Variants in PURG observed in about 807,000 individuals in gnomAD.
PURG encodes purine-rich element-binding protein gamma.
Under a neutral mutation model 24.3 loss-of-function variants are expected in PURG, and 3 were observed. The observed-to-expected ratio is 0.12, with a 90% confidence interval of 0.06 to 0.32. PURG has a LOEUF of 0.32. Ranked by LOEUF, PURG falls within the 10% of genes least tolerant of loss-of-function variation. The pLI is 1.00. For missense variants in PURG, 371 were observed against 439.1 expected, an observed-to-expected ratio of 0.84 and a Z score of 1.39; for synonymous variants, 180 against 173.1, an observed-to-expected ratio of 1.04 and a Z score of -0.31.
downstream of PURG, among the ~76,000 whole-genome samples, chr8:31,029,069 G>T (rs1811141154): frequency 6.6e-6 from 1 of 151,770 alleles, no homozygotes; most frequent in Non-Finnish European, 1.5e-5. Flanking sequence ...GCACAGATAA[G>T]AATAGTAGCT....
intron 1 of PURG, among the ~76,000 whole-genome samples, chr8:31,022,914 T>C (rs1217346896): frequency 2.6e-5 from 4 of 152,254 alleles, no homozygotes; most frequent in Admixed American, 1.3e-4. Flanking sequence ...TCCTTACTCC[T>C]ACATCATTTT....
intron 1 of PURG, among the ~76,000 whole-genome samples, chr8:30,997,786 C>G (rs774952000): frequency 2.9e-4 from 44 of 151,570 alleles, no homozygotes; most frequent in South Asian, 8.3e-4. Context: ...AGGGTTGAAC[C>G]CTTTTGAAAA....
At chr8:31,019,129 A>G (rs1810931217) in intron 1 of PURG, among the ~76,000 whole-genome samples, 2 of 23,096 alleles carry the variant, frequency 8.7e-5, no homozygotes, top group Admixed American at 8.0e-4. Context: ...GTCTCAAAAA[A>G]AAAAAAAAAA....
chr8:31,024,102 A>G (rs7016143), intron 1 of PURG, among the ~76,000 whole-genome samples: 4,503 of 152,324 alleles, frequency 0.03, 224 homozygotes, highest in African/African-American at 0.1. Context: ...CGTAGTTAGT[A>G]TACAACAACT....
In PURG at chr8:31,032,032, G is replaced by C. The variant is rs1245631135; in HGVS notation, c.751C>G (p.Arg251Gly). 1 of 1,614,072 alleles carries C rather than the reference G, an allele frequency of 6.2e-7. No homozygotes were observed. Among genetic ancestry groups the C allele is most frequent in the Admixed American group, 1.7e-5 (1 of 60,018 alleles). Reference protein sequence around the residue: ...EDYGEGDIEERRGGDDDPLEL... With the variant: ...EDYGEGDIEEGRGGDDDPLEL... ...AGCGGGTCATCGTCTCCACCTCTTC[G>C]TTCTTCTATGTCTCCTTCGCCATAG... The change falls in exon 2 of 2, where the codon CGA (arginine) becomes GGA (glycine). Residue 251 changes from arginine to glycine, a missense_variant. By Grantham distance (125) the Arg-to-Gly change is moderately radical. Around this residue, in one of 5 missense-constraint regions of PURG, gnomAD observed 103 missense variants for 127.7 expected, o/e 0.81. Transcript: ENST00000523392. The surrounding 1 kb of genome is among the most constrained non-coding windows in gnomAD (Gnocchi z 5.9).
intron 1 of PURG, among the ~76,000 whole-genome samples, chr8:31,006,614 A>C (rs1246641129): frequency 6.6e-6 from 1 of 152,226 alleles, no homozygotes; most frequent in Admixed American, 6.5e-5. Flanking sequence ...CAAGTGAAAC[A>C]CACCAAAGGC....
intron 1 of PURG, among the ~76,000 whole-genome samples, chr8:31,015,983 G>C (rs932096193): frequency 6.6e-6 from 1 of 152,170 alleles, no homozygotes; most frequent in Non-Finnish European, 1.5e-5. Context: ...TGCCTGCCAA[G>C]TCGAGGCTGC....
downstream of PURG, among the ~76,000 whole-genome samples, chr8:31,028,706 G>C (rs1460395366): frequency 6.6e-6 from 1 of 151,712 alleles, no homozygotes; most frequent in Non-Finnish European, 1.5e-5. Flanking sequence ...ATAATACATT[G>C]CATCTTTTGC....
chr8:31,006,732 G>A (rs1261224447), intron 1 of PURG, among the ~76,000 whole-genome samples: 1 of 152,148 alleles, frequency 6.6e-6, no homozygotes, highest in East Asian at 1.9e-4. Flanking sequence ...TAAAAATAGT[G>A]AGCAATTTCC....
intron 1 of PURG, among the ~76,000 whole-genome samples, chr8:31,004,894 T>C (rs1025206640): frequency 6.6e-6 from 1 of 152,150 alleles, no homozygotes; most frequent in Admixed American, 6.5e-5. Flanking sequence ...GTTTGGATGT[T>C]AGAAGTACTG....
intron 1 of PURG, among the ~76,000 whole-genome samples, chr8:31,009,749 T>A (rs1810729716): frequency 6.6e-6 from 1 of 152,212 alleles, no homozygotes; most frequent in Non-Finnish European, 1.5e-5. Context: ...ACAACTGTAA[T>A]GATGGTACTG....
At chr8:31,030,341 G>T (rs1483377821), downstream of PURG, among the ~76,000 whole-genome samples, 2 of 151,918 alleles carry the variant, frequency 1.3e-5, no homozygotes, top group African/African-American at 4.8e-5. Context: ...ATAAAGCCAA[G>T]ATAAAAGACA....
At chr8:31,009,177 C>G (rs1035234700) in intron 1 of PURG, among the ~76,000 whole-genome samples, 2 of 152,192 alleles carry the variant, frequency 1.3e-5, no homozygotes, top group African/African-American at 4.8e-5. Context: ...GTAATCCCAG[C>G]ACTTTGGGAG....
At chr8:31,029,995 G>C (rs180870578), downstream of PURG, among the ~76,000 whole-genome samples, 2 of 152,000 alleles carry the variant, frequency 1.3e-5, no homozygotes, top group East Asian at 3.9e-4. Flanking sequence ...CACGCTACTA[G>C]AGGAAATGTG....
chr8:31,031,765 C>T lies in PURG; in HGVS notation c.1018G>A (p.Gly340Ser). Residue 340 changes from glycine (G) to serine (S), a missense_variant, in exon 2 of 2, where the codon GGT (glycine) becomes AGT (serine). Physicochemically the swap from Gly to Ser is moderately conservative, Grantham distance 56 (BLOSUM62 0). Around this residue, in one of 5 missense-constraint regions of PURG, gnomAD observed 103 missense variants for 127.7 expected, o/e 0.81. Transcript: ENST00000523392. ...EKRMDGRKAS[G>S]EEQECLD is the part of the protein sequence containing the mutation. ...TAGTCGAGGCATTCTTGTTCTTCACCACTGGCCTTTCTGCCATCCATTCTC... is the reference window on the plus strand; with the variant it reads ...TAGTCGAGGCATTCTTGTTCTTCACTACTGGCCTTTCTGCCATCCATTCTC... 15 of 1,551,172 alleles carry T rather than the reference C, an allele frequency of 9.7e-6. No individual in the cohort carries two copies. Among genetic ancestry groups the T allele is most frequent in the Non-Finnish European group, 1.3e-5 (15 of 1,146,770 alleles).
chr8:31,029,794 C>A (rs1406572853), downstream of PURG, among the ~76,000 whole-genome samples: 1 of 151,842 alleles, frequency 6.6e-6, no homozygotes, highest in Non-Finnish European at 1.5e-5. Context: ...CCTTCATAGA[C>A]CAAAAACTAC....
chr8:30,996,308 A>G (rs1178941594), exon 2 of PURG: 1 of 223,366 alleles, frequency 4.5e-6, no homozygotes, highest in Non-Finnish European at 8.9e-6. Context: ...TTTCAAATCT[A>G]TATGTCTCTC....
intron 1 of PURG, among the ~76,000 whole-genome samples, chr8:31,003,761 C>A (rs1157754123): frequency 6.7e-5 from 10 of 149,236 alleles, no homozygotes; most frequent in Admixed American, 6.0e-4. Flanking sequence ...GACTCCATCT[C>A]AAAAAAAAAC....
chr8:31,023,543 T>C (rs1216207114), intron 1 of PURG, among the ~76,000 whole-genome samples: 1 of 139,992 alleles, frequency 7.1e-6, no homozygotes, highest in Non-Finnish European at 1.6e-5. Context: ...AGACTGCATC[T>C]CAAAAAAAAA....
Sources: allele counts gnomAD v4.1 joint callset (sites outside exome capture counted in the v4.1 genomes callset), GRCh38; gene constraint gnomAD v4.1.1; regional missense constraint gnomAD v4.1.1; non-coding constraint Gnocchi (gnomAD v3.1); transcripts MANE v1.5; gene names NCBI Gene and HGNC (gene_info 2026-07-23, HGNC 2026-07-21).